The following SAMMSON variants were observed in gnomAD, a reference collection of about 807,000 sequenced individuals.
The protein encoded by SAMMSON is survival associated mitochondrial melanoma specific oncogenic non-coding RNA.
intron 6 of SAMMSON, among the ~76,000 whole-genome samples, chr3:70,286,189 T>G (rs1284851127): frequency 6.6e-6 from 1 of 152,236 alleles, no homozygotes; most frequent in Non-Finnish European, 1.5e-5. Flanking sequence ...TTTATGGTTT[T>G]AGGTCTAAAG....
In SAMMSON at chr3:70,126,192, AT is replaced by A. The variant is rs2067457778; in HGVS notation, n.507+54631del. 22 of 1,113,174 alleles carry A rather than the reference AT, an allele frequency of 2.0e-5. No homozygotes were observed. In the South Asian group the frequency reaches 2.5e-4, roughly 13 times the overall value. The allele number at this position is 1,113,174 out of a possible 1,614,324, so 69.0% of individuals were successfully genotyped here. On this transcript the variant is annotated intron_variant and non_coding_transcript_variant, in intron 4 of 9. Coordinates refer to ENST00000642114, the Ensembl canonical transcript of SAMMSON. ...TCAGCCCATGGTTTGGTGTAATTAC[AT>A]TTTCTACTGTTAAATAACCAATTCT...
chr3:70,006,993 C>T (rs1209372610), intron 1 of SAMMSON, among the ~76,000 whole-genome samples: 1 of 152,062 alleles, frequency 6.6e-6, no homozygotes, highest in African/African-American at 2.4e-5. Context: ...TTTTTTATGG[C>T]TGCATAGTAT....
chr3:70,188,584 G>A (rs1701108638), intron 4 of SAMMSON, among the ~76,000 whole-genome samples: 1 of 152,186 alleles, frequency 6.6e-6, no homozygotes, highest in Non-Finnish European at 1.5e-5. Context: ...TATGATGTGG[G>A]ATAGTGCAGA....
At chr3:70,223,269 A>G (rs1158538956) in intron 4 of SAMMSON, among the ~76,000 whole-genome samples, 1 of 152,110 alleles carries the variant, frequency 6.6e-6, no homozygotes, top group Non-Finnish European at 1.5e-5. Context: ...AGATGAAGTT[A>G]TTTAGCCAAG....
chr3:70,277,436 T>C (rs1036016668), intron 6 of SAMMSON, among the ~76,000 whole-genome samples: 1 of 152,202 alleles, frequency 6.6e-6, no homozygotes, highest in African/African-American at 2.4e-5. Context: ...TTACAAGGTA[T>C]GAAGGCTTTT....
chr3:70,127,779 C>G (rs184530086), intron 4 of SAMMSON: 3 of 152,306 alleles, frequency 2.0e-5, no homozygotes, highest in Admixed American at 6.5e-5. Context: ...GTAGCTGGGA[C>G]TACAGGTACG....
chr3:70,039,953 G>T (rs915826475), intron 3 of SAMMSON, among the ~76,000 whole-genome samples: 3 of 152,108 alleles, frequency 2.0e-5, no homozygotes, highest in Non-Finnish European at 4.4e-5. Context: ...CCCTTCACAA[G>T]TTCCTCCTCA....
intron 4 of SAMMSON, chr3:70,205,062 T>C (rs1198321697): frequency 6.6e-6 from 1 of 152,120 alleles, no homozygotes; most frequent in Non-Finnish European, 1.5e-5. Flanking sequence ...CATAATCTGA[T>C]AGCTACAGGT....
chr3:70,208,788 G>A (rs1369011133), intron 4 of SAMMSON, among the ~76,000 whole-genome samples: 1 of 152,024 alleles, frequency 6.6e-6, no homozygotes, highest in Non-Finnish European at 1.5e-5. Context: ...ACTGTCTTAG[G>A]TCATTTTTGT....
intron 7 of SAMMSON, among the ~76,000 whole-genome samples, chr3:70,353,386 A>G (rs1334290791): frequency 6.6e-6 from 1 of 151,842 alleles, no homozygotes; most frequent in Non-Finnish European, 1.5e-5. Flanking sequence ...CATTAAATAA[A>G]CAAACAATTC....
rs112274792 is a variant in SAMMSON, at chr3:70,056,101, C to T, written n.418-15375C>T. Among the ~76,000 whole-genome samples the T allele has an allele frequency of 3.9e-3, 601 of 152,160 alleles. 6 individuals are homozygous for T. The highest frequency in any genetic ancestry group is 0.014 in the African/African-American group (579 of 41,562). Reference sequence around the variant, plus strand: ...AGCCCCATTTATAGATTAATCTTGACACCTTTCTTTCTTTCCCATTCTTTT... The same window carrying T: ...AGCCCCATTTATAGATTAATCTTGATACCTTTCTTTCTTTCCCATTCTTTT... On this transcript the variant is annotated intron_variant and non_coding_transcript_variant, in intron 3 of 9. Coordinates refer to ENST00000642114, the Ensembl canonical transcript of SAMMSON.
chr3:70,215,803 A>G (rs1057474983), intron 4 of SAMMSON, among the ~76,000 whole-genome samples: 1 of 152,126 alleles, frequency 6.6e-6, no homozygotes, highest in Non-Finnish European at 1.5e-5. Context: ...TGATGAACTG[A>G]CAGACTAAAG....
At chr3:70,120,919 A>G (rs1359195812) in intron 4 of SAMMSON, among the ~76,000 whole-genome samples, 1 of 152,172 alleles carries the variant, frequency 6.6e-6, no homozygotes, top group Non-Finnish European at 1.5e-5. Context: ...TGTGCAATTC[A>G]TTTCTATTAT....
At chr3:70,037,280 A>T (rs1349708895) in intron 3 of SAMMSON, among the ~76,000 whole-genome samples, 1 of 152,044 alleles carries the variant, frequency 6.6e-6, no homozygotes, top group African/African-American at 2.4e-5. Flanking sequence ...TTCAACAATT[A>T]GCCTGAGTGG....
chr3:70,193,069 G>A (rs533607055), intron 4 of SAMMSON, among the ~76,000 whole-genome samples: 1 of 152,156 alleles, frequency 6.6e-6, no homozygotes, highest in Admixed American at 6.5e-5. Context: ...TTGTGAGGGA[G>A]GGAATTGAGA....
At chr3:70,087,398 T>C (rs1357226318) in intron 4 of SAMMSON, among the ~76,000 whole-genome samples, 1 of 152,190 alleles carries the variant, frequency 6.6e-6, no homozygotes, top group Non-Finnish European at 1.5e-5. Flanking sequence ...TAGGTACATA[T>C]TCTTGCCGAC....
chr3:70,267,003 G>A (rs1253333184), intron 6 of SAMMSON, among the ~76,000 whole-genome samples: 2 of 152,108 alleles, frequency 1.3e-5, no homozygotes, highest in East Asian at 1.9e-4. Flanking sequence ...AACATTTTCC[G>A]GTCATAGTTT....
intron 3 of SAMMSON, among the ~76,000 whole-genome samples, chr3:70,067,134 A>T (rs1160447682): frequency 1.3e-5 from 2 of 152,094 alleles, no homozygotes; most frequent in Non-Finnish European, 2.9e-5. Flanking sequence ...AGAACTGAAC[A>T]AACAAACAAA....
intron 1 of SAMMSON, among the ~76,000 whole-genome samples, chr3:70,000,609 A>G (rs1576090298): frequency 6.6e-6 from 1 of 152,224 alleles, no homozygotes; most frequent in East Asian, 1.9e-4. Context: ...ACATAACAGA[A>G]TGTTCTATGC....
Sources: gnomAD v4.1 joint callset for allele counts (sites outside exome capture counted in the v4.1 genomes callset) on GRCh38, gnomAD v4.1.1 for gene constraint, MANE v1.5 for transcripts, NCBI Gene and HGNC (gene_info 2026-07-23, HGNC 2026-07-21) for gene names.